The following HCRTR2 variants were observed in gnomAD, a reference collection of about 807,000 sequenced individuals.
HCRTR2 encodes hypocretin receptor 2, also known as orexin receptor type 2.
A neutral mutation model predicts 49.0 loss-of-function variants in HCRTR2; 22 were observed. The ratio of observed to expected loss-of-function variants is 0.45; its 90% confidence interval spans 0.32 to 0.64. HCRTR2 has a LOEUF of 0.64. HCRTR2 is among the 30% of genes least tolerant of loss of function. The probability of loss-of-function intolerance (pLI) is 0.04; values close to 1 mark genes in which losing one functional copy is unlikely to be tolerated. For synonymous variants in HCRTR2, 236 were observed against 205.3 expected (o/e 1.15, Z -1.28); for missense variants, 491 against 559.4 (o/e 0.88, Z 1.23).
chr6:55,184,256 A>G (rs1765180588), intron 1 of HCRTR2, among the ~76,000 whole-genome samples: 1 of 152,138 alleles, frequency 6.6e-6, no homozygotes. Context: ...TGTTTTAATT[A>G]TATCTTTCTT....
chr6:55,261,220 G>T (rs1645185644), intron 3 of HCRTR2, among the ~76,000 whole-genome samples: 1 of 151,960 alleles, frequency 6.6e-6, no homozygotes, highest in African/African-American at 2.4e-5. Flanking sequence ...AAAATCTACA[G>T]GGAACTCAAA....
Position 55,174,704 on chromosome 6 carries a change from C to T in HCRTR2, c.117C>T (p.Phe39=). ...LNPTDYDDEE[F]LRYLWREYLH... is the part of the protein sequence containing the mutation. Reference sequence around the variant, plus strand: ...CCACCGACTATGACGACGAGGAATTCCTGCGGTACCTGTGGAGGGAATACC... The same window carrying T: ...CCACCGACTATGACGACGAGGAATTTCTGCGGTACCTGTGGAGGGAATACC... Residue 39 remains phenylalanine (F), a synonymous_variant, in exon 1 of 7, where the codon TTC becomes TTT. Transcript: ENST00000370862. 1 of 1,614,050 alleles carries T rather than the reference C, an allele frequency of 6.2e-7. No individual in the cohort carries two copies. Among genetic ancestry groups the T allele is most frequent in the Non-Finnish European group, 8.5e-7 (1 of 1,179,998 alleles).
intron 1 of HCRTR2, among the ~76,000 whole-genome samples, chr6:55,128,539 T>C (rs1352315292): frequency 6.6e-6 from 1 of 152,242 alleles, no homozygotes; most frequent in Non-Finnish European, 1.5e-5. Flanking sequence ...CAACATTGAA[T>C]CTTCCTATCC....
chr6:55,140,653 C>G (rs906741011), intron 1 of HCRTR2, among the ~76,000 whole-genome samples: 38 of 152,138 alleles, frequency 2.5e-4, no homozygotes, highest in African/African-American at 8.9e-4. Flanking sequence ...AAAAAATACT[C>G]TCTCTCACAC....
chr6:55,211,384 A>G (rs532239653), intron 1 of HCRTR2, among the ~76,000 whole-genome samples: 1 of 152,332 alleles, frequency 6.6e-6, no homozygotes, highest in African/African-American at 2.4e-5. Flanking sequence ...ATCAAATGGT[A>G]TAAGCCAGAT....
intron 1 of HCRTR2, among the ~76,000 whole-genome samples, chr6:55,139,543 A>G (rs953600099): frequency 1.3e-5 from 2 of 152,206 alleles, no homozygotes; most frequent in African/African-American, 4.8e-5. Flanking sequence ...GAGAGAGTTG[A>G]TAAATTCCAA....
At chr6:55,265,993 A>G (rs1766853682) in intron 4 of HCRTR2, among the ~76,000 whole-genome samples, 1 of 152,124 alleles carries the variant, frequency 6.6e-6, no homozygotes, top group African/African-American at 2.4e-5. Context: ...GACAGAAACT[A>G]AAAACCAGGG....
rs1001063172 is a variant in HCRTR2, at chr6:55,159,076, G to T, written c.-377-15135G>T. ...GAGAGCTCCGGCTGGTATCTGGTGG[G>T]TGCCCCTCTGGGACAAAGCTTCGAG... On this transcript the variant is annotated intron_variant, in intron 1 of 7. Coordinates refer to the HCRTR2 transcript ENST00000615358. Among the ~76,000 whole-genome samples the T allele has an allele frequency of 2.0e-5, 3 of 152,100 alleles. No homozygotes were observed. In the South Asian group the frequency reaches 6.2e-4, roughly 32 times the overall value.
chr6:55,159,474 T>C (rs762200763), intron 1 of HCRTR2, among the ~76,000 whole-genome samples: 1 of 152,034 alleles, frequency 6.6e-6, no homozygotes, highest in Non-Finnish European at 1.5e-5. Flanking sequence ...GGGACAAAAC[T>C]GGACAGAGAA....
chr6:55,179,284 T>G (rs964225695), intron 1 of HCRTR2, among the ~76,000 whole-genome samples: 2 of 152,144 alleles, frequency 1.3e-5, no homozygotes, highest in Non-Finnish European at 2.9e-5. Context: ...CCTTTTTAGA[T>G]ATAGAAATAA....
chr6:55,268,872 C>T (rs1287608043), intron 4 of HCRTR2, among the ~76,000 whole-genome samples: 2 of 151,798 alleles, frequency 1.3e-5, no homozygotes, highest in Non-Finnish European at 2.9e-5. Flanking sequence ...GGGTGGATCA[C>T]GAGGTCAGAA....
At chr6:55,141,293 G>A (rs1764503879) in intron 1 of HCRTR2, among the ~76,000 whole-genome samples, 3 of 151,996 alleles carry the variant, frequency 2.0e-5, no homozygotes, top group Non-Finnish European at 1.5e-5. Context: ...GCAGTGAGCC[G>A]AGATTGCGCC....
At position 55,248,725 on chromosome 6, in the gene HCRTR2, A is replaced by T; in HGVS notation, c.310A>T (p.Thr104Ser). The T allele has an allele frequency of 6.2e-7, 1 of 1,613,430 alleles. No individual in the cohort carries two copies. The highest frequency in any genetic ancestry group is 8.5e-7 in the Non-Finnish European group (1 of 1,179,496). The change falls in exon 2 of 7, where the codon ACC (threonine) becomes TCC (serine). Residue 104 changes from threonine to serine, a missense_variant. Thr to Ser is a moderately conservative substitution (Grantham distance 58). Transcript: ENST00000370862. ...VNLSLADVLV[T>S]ITCLPATLVV... ...TCTTTCTCTGGCTGATGTGCTCGTG[A>T]CCATCACCTGCCTTCCAGCCACACT...
chr6:55,169,159 C>T (rs543230275), intron 1 of HCRTR2, among the ~76,000 whole-genome samples: 1 of 151,670 alleles, frequency 6.6e-6, no homozygotes, highest in South Asian at 2.1e-4. Flanking sequence ...TTTCATGACA[C>T]ACTGAATAAG....
chr6:55,235,231 G>A (rs1301587476), intron 1 of HCRTR2, among the ~76,000 whole-genome samples: 1 of 151,986 alleles, frequency 6.6e-6, no homozygotes, highest in Non-Finnish European at 1.5e-5. Context: ...CGGTCATATT[G>A]TACTTCTCAG....
At chr6:55,170,595 T>G (rs200926554), upstream of HCRTR2, among the ~76,000 whole-genome samples, 1 of 94,406 alleles carries the variant, frequency 1.1e-5, no homozygotes, top group Non-Finnish European at 2.5e-5. Flanking sequence ...TTATTTATTT[T>G]TATTATACTT....
rs114687797 is a variant in HCRTR2 at position 55,262,124 on chromosome 6, G to A, written c.647-1583G>A. On this transcript the variant is annotated intron_variant, in intron 3 of 6. Transcript: ENST00000370862. Reference sequence around the variant, plus strand: ...TTCAGGTACTCAGGGGAAAGTGAGGGAGAGGGGGTGAAGGATAAAAGACCA... The same window carrying A: ...TTCAGGTACTCAGGGGAAAGTGAGGAAGAGGGGGTGAAGGATAAAAGACCA... 3.7e-3 allele frequency among the ~76,000 whole-genome samples: 567 copies of A among 151,752 alleles called. 5 individuals are homozygous for A. Among genetic ancestry groups the A allele is most frequent in the African/African-American group, 0.012 (499 of 41,396 alleles).
chr6:55,117,870 G>A (rs1332825816), intron 1 of HCRTR2, among the ~76,000 whole-genome samples: 1 of 124,354 alleles, frequency 8.0e-6, no homozygotes, highest in Non-Finnish European at 1.8e-5. Flanking sequence ...CAGACTGTTT[G>A]TTTTTTTTTC....
chr6:55,246,882 T>G (rs1289695883), intron 1 of HCRTR2, among the ~76,000 whole-genome samples: 1 of 152,040 alleles, frequency 6.6e-6, no homozygotes, highest in Non-Finnish European at 1.5e-5. Flanking sequence ...TGAACATATA[T>G]TTGCTCTACT....
Sources: gnomAD v4.1 joint callset for allele counts (sites outside exome capture counted in the v4.1 genomes callset) on GRCh38, gnomAD v4.1.1 for gene constraint, MANE v1.5 for transcripts, NCBI Gene and HGNC (gene_info 2026-07-23, HGNC 2026-07-21) for gene names.